Variants in PMM2 observed in about 807,000 individuals in gnomAD.
PMM2 encodes the protein mannose-6-phosphate isomerase.
A neutral mutation model predicts 33.2 loss-of-function variants in PMM2; 35 were observed. That is an observed-to-expected ratio of 1.06 (90% CI 0.81 to 1.40). The LOEUF is 1.40. Ranked by LOEUF, PMM2 falls within the 40% of genes most tolerant of loss-of-function variation. The probability of loss-of-function intolerance (pLI) is 0.00; values close to 1 mark genes in which losing one functional copy is unlikely to be tolerated. For synonymous variants in PMM2, 153 were observed against 114.7 expected (o/e 1.33, Z -2.13); for missense variants, 386 against 306.0 (o/e 1.26, Z -1.95).
At chr16:8,839,904 A>T (rs1488828198) in intron 7 of PMM2, among the ~76,000 whole-genome samples, 2 of 144,174 alleles carry the variant, frequency 1.4e-5, no homozygotes, top group Non-Finnish European at 3.0e-5. Context: ...TTTTTTAAAT[A>T]AGTGTGAAGG....
chr16:8,823,548 G>A (rs928274454), intron 7 of PMM2, among the ~76,000 whole-genome samples: 1 of 151,386 alleles, frequency 6.6e-6, no homozygotes, highest in African/African-American at 2.4e-5. Flanking sequence ...AGCTTGGCCT[G>A]ATTATTTGTA....
At chr16:8,846,487 G>A (rs188127611) in intron 7 of PMM2, among the ~76,000 whole-genome samples, 9 of 152,198 alleles carry the variant, frequency 5.9e-5, no homozygotes, top group South Asian at 2.1e-4. Context: ...TGCAGGGCTC[G>A]GGGTTGCGGG....
intron 7 of PMM2, among the ~76,000 whole-genome samples, chr16:8,844,724 T>G (rs949656738): frequency 2.6e-5 from 4 of 152,226 alleles, no homozygotes; most frequent in Non-Finnish European, 5.9e-5. Flanking sequence ...GCCGGTTTTT[T>G]GGGTCCACAG....
At chr16:8,822,180 G>A in intron 7 of PMM2, among the ~76,000 whole-genome samples, 1 of 152,180 alleles carries the variant, frequency 6.6e-6, no homozygotes, top group Non-Finnish European at 1.5e-5. Flanking sequence ...GCTTGGAGAT[G>A]AAATCATAGG....
chr16:8,831,619 A>T (rs1157281433), intron 7 of PMM2, among the ~76,000 whole-genome samples: 1 of 152,208 alleles, frequency 6.6e-6, no homozygotes, highest in Admixed American at 6.5e-5. Context: ...ACCCACTGCT[A>T]CCAGCGAAGC....
Position 8,802,503 on chromosome 16 carries a change from C to G in PMM2, c.178+593C>G, listed in dbSNP as rs116333686. On this transcript the variant is annotated intron_variant, in intron 2 of 7. Coordinates refer to ENST00000268261, the MANE Select transcript of PMM2 (RefSeq NM_000303.3). ...GAGCAGGAGTATGGGTTATTCATCT[C>G]CATAGCCACAGGGCCTCCTGGCCTG... 1,382 of 302,686 alleles carry G rather than the reference C, an allele frequency of 4.6e-3. 17 individuals are homozygous for G. The highest frequency in any genetic ancestry group is 0.029 in the African/African-American group (1,311 of 45,650). The allele number at this position is 302,686 out of a possible 1,614,324, so 18.8% of individuals were successfully genotyped here. A position where few individuals can be genotyped will look rare whatever the true frequency, so the allele number is the denominator to read the frequency against.
At chr16:8,837,936 G>T (rs551680358) in intron 7 of PMM2, among the ~76,000 whole-genome samples, 40 of 152,226 alleles carry the variant, frequency 2.6e-4, no homozygotes, top group African/African-American at 7.5e-4. Flanking sequence ...ACCAGAAAAT[G>T]AAAGGAATTG....
At chr16:8,838,731 T>C (rs1178665343) in intron 7 of PMM2, among the ~76,000 whole-genome samples, 2 of 151,444 alleles carry the variant, frequency 1.3e-5, no homozygotes, top group Non-Finnish European at 2.9e-5. Flanking sequence ...ATTAAAGGAC[T>C]AAGAATTGGG....
At chr16:8,804,909 A>G (rs2060638392) in intron 3 of PMM2, 66 bp downstream of exon 3, 5 of 965,370 alleles carry the variant, frequency 5.2e-6, no homozygotes, top group East Asian at 4.8e-5. Flanking sequence ...GCATTTCACA[A>G]TGAATGCCTC....
chr16:8,814,499 C>G (rs1226511114), intron 7 of PMM2, among the ~76,000 whole-genome samples: 1 of 152,216 alleles, frequency 6.6e-6, no homozygotes, highest in African/African-American at 2.4e-5. Context: ...AAGATCTACC[C>G]ATGAAAGATT....
intron 7 of PMM2, among the ~76,000 whole-genome samples, chr16:8,828,686 G>C (rs1452790263): frequency 6.6e-6 from 1 of 152,214 alleles, no homozygotes; most frequent in Non-Finnish European, 1.5e-5. Flanking sequence ...TTGGAGCAAA[G>C]TTTGGAACTG....
chr16:8,809,470 T>C (rs1443009661), intron 4 of PMM2: 3 of 152,176 alleles, frequency 2.0e-5, no homozygotes, highest in Non-Finnish European at 4.4e-5. Flanking sequence ...CTTGTTTTGT[T>C]TTTTTTGAGA....
chr16:8,817,922 G>GTCTCAAAAAAA (rs2060717044), intron 7 of PMM2, among the ~76,000 whole-genome samples: 1 of 54,638 alleles, frequency 1.8e-5, no homozygotes, highest in South Asian at 6.6e-4. Context: ...TTTTTTTTTT[G>GTCTCAAAAAAA]AGACAGAGTC....
intron 7 of PMM2, among the ~76,000 whole-genome samples, chr16:8,816,805 G>A (rs1022753248): frequency 4.6e-5 from 7 of 152,148 alleles, no homozygotes; most frequent in Non-Finnish European, 7.3e-5. Flanking sequence ...ACTGTTGTGG[G>A]AAATGTTAAA....
intron 7 of PMM2, among the ~76,000 whole-genome samples, chr16:8,834,718 T>C (rs2060832437): frequency 6.6e-6 from 1 of 151,914 alleles, no homozygotes; most frequent in Non-Finnish European, 1.5e-5. Flanking sequence ...GCTAGTGGCT[T>C]GTACTATAGC....
chr16:8,804,834 G>A lies in PMM2; in HGVS notation c.246G>A (p.Leu82=). 6.2e-7 allele frequency: 1 copy of A among 1,601,722 alleles called. No homozygotes were observed. Among genetic ancestry groups the A allele is most frequent in the Non-Finnish European group, 8.6e-7 (1 of 1,168,726 alleles). The change falls in exon 3 of 8, where the codon TTG becomes TTA. Residue 82 remains leucine, a synonymous_variant. Transcript: ENST00000268261. ...GLVAYKDGKL[L]CRQNIQSHLG... is the part of the protein sequence containing the mutation. ...TAGCATACAAAGATGGGAAACTCTT[G>A]TGTAGACAGGTAGGTTCTTGAGTAT...
intron 7 of PMM2, among the ~76,000 whole-genome samples, chr16:8,826,828 C>G (rs28890213): frequency 6.6e-6 from 1 of 151,828 alleles, no homozygotes; most frequent in Admixed American, 6.6e-5. Flanking sequence ...AATCTTGTCA[C>G]GACTCACAGA....
In PMM2 at chr16:8,802,350, C is replaced by G. The variant is rs758647802; in HGVS notation, c.178+440C>G. 28 of 454,828 alleles carry G rather than the reference C, an allele frequency of 6.2e-5. 1 individual carries two copies. Among genetic ancestry groups the G allele is most frequent in the South Asian group, 4.3e-4 (28 of 64,442 alleles). The allele number at this position is 454,828 out of a possible 1,614,324, so 28.2% of individuals were successfully genotyped here. Reference sequence around the variant, plus strand: ...CTTATTGACCCCTTCACTGGAGAGTCTGACTTGATAGGTCTGTGGAGCCTG... The same window carrying G: ...CTTATTGACCCCTTCACTGGAGAGTGTGACTTGATAGGTCTGTGGAGCCTG... On this transcript the variant is annotated intron_variant, in intron 2 of 7. Coordinates refer to ENST00000268261, the MANE Select transcript of PMM2 (RefSeq NM_000303.3).
chr16:8,798,066 A>T (rs1439346417), intron 1 of PMM2, 118 bp downstream of exon 1: 1 of 931,188 alleles, frequency 1.1e-6, no homozygotes, highest in Admixed American at 2.0e-5. Flanking sequence ...CTACGTCCTC[A>T]CGGCGCTGAA....
Sources: allele counts gnomAD v4.1 joint callset (sites outside exome capture counted in the v4.1 genomes callset), GRCh38; gene constraint gnomAD v4.1.1; transcripts MANE v1.5; gene names NCBI Gene and HGNC (gene_info 2026-07-23, HGNC 2026-07-21).